KLF7: variants seen among roughly 807,000 people sequenced by gnomAD.
KLF7 encodes the protein Krueppel-like factor 7.
KLF7 carries 2 observed loss-of-function variants against 27.3 expected under a neutral mutation model. That is an observed-to-expected ratio of 0.07 (90% CI 0.03 to 0.23). KLF7 has a LOEUF of 0.23. KLF7 is among the 10% of genes least tolerant of loss of function. The pLI is 1.00. For synonymous variants in KLF7, 165 were observed against 162.4 expected (o/e 1.02, Z -0.12); for missense variants, 221 against 394.1 (o/e 0.56, Z 3.72).
intron 2 of KLF7, 45 bp from the exon 3 acceptor site, chr2:207,088,626 A>C: frequency 6.2e-7 from 1 of 1,600,562 alleles, no homozygotes; most frequent in South Asian, 1.1e-5. Context: ...CAGGAACAAA[A>C]GGGATTACAC....
chr2:207,112,482 T>C (rs2077064647), intron 2 of KLF7, among the ~76,000 whole-genome samples: 3 of 152,218 alleles, frequency 2.0e-5, no homozygotes, highest in Non-Finnish European at 4.4e-5. Context: ...TGATAGGGTA[T>C]GGTGGATCTC....
At position 207,165,695 on chromosome 2, in the gene KLF7, TGTTTCA is replaced by T; in HGVS notation, c.-133_-128del. On this transcript the variant is annotated 5_prime_UTR_variant, in exon 1 of 4. Transcript: ENST00000309446. ...ATCCAGTGGCCCTTTTGTTTTGTTT[TGTTTCA>T]GTCAACTAAAAAGGAAAAAAAAAAA... 6.6e-7 allele frequency: 1 copy of T among 1,504,954 alleles called. No homozygotes were observed. Among genetic ancestry groups the T allele is most frequent in the South Asian group, 1.3e-5 (1 of 79,004 alleles). The allele number at this position is 1,504,954 out of a possible 1,614,324, so 93.2% of individuals were successfully genotyped here. A position where few individuals can be genotyped will look rare whatever the true frequency, so the allele number is the denominator to read the frequency against.
chr2:207,170,850 T>C (rs2078779737), upstream of KLF7, among the ~76,000 whole-genome samples: 1 of 152,066 alleles, frequency 6.6e-6, no homozygotes, highest in South Asian at 2.1e-4. Flanking sequence ...AATGGAGATA[T>C]ATAAGGAGTT....
chr2:207,151,638 C>T (rs886322579), intron 1 of KLF7, among the ~76,000 whole-genome samples: 1 of 152,096 alleles, frequency 6.6e-6, no homozygotes, highest in Non-Finnish European at 1.5e-5. Context: ...CTTTTTCTCT[C>T]TCTTCCTTTT....
chr2:207,153,864 A>G (rs972263191), intron 1 of KLF7, among the ~76,000 whole-genome samples: 8 of 152,198 alleles, frequency 5.3e-5, no homozygotes, highest in Non-Finnish European at 8.8e-5. Flanking sequence ...AAACACAAAT[A>G]TATAATCTAC....
intron 1 of KLF7, among the ~76,000 whole-genome samples, chr2:207,147,616 C>T (rs1212345650): frequency 1.3e-5 from 2 of 152,180 alleles, no homozygotes; most frequent in African/African-American, 4.8e-5. Flanking sequence ...TCCCCCACTC[C>T]ACCCTCTGCC....
intron 2 of KLF7, among the ~76,000 whole-genome samples, chr2:207,123,042 A>G (rs2077382094): frequency 1.3e-5 from 2 of 149,208 alleles, no homozygotes; most frequent in Admixed American, 6.8e-5. Flanking sequence ...ATTGCTCAAA[A>G]GATCAGTATG....
intron 2 of KLF7, 150 bp from the exon 3 acceptor site, chr2:207,088,731 C>G: frequency 1.2e-6 from 1 of 801,372 alleles, no homozygotes; most frequent in East Asian, 2.9e-5. Context: ...ATACCACTGT[C>G]TTTTGGGTTT....
At chr2:207,081,436 A>G (rs1307193968) in intron 3 of KLF7, among the ~76,000 whole-genome samples, 172 bp from the exon 4 acceptor site, 1 of 152,218 alleles carries the variant, frequency 6.6e-6, no homozygotes, top group African/African-American at 2.4e-5. Context: ...TTGGGTTTAA[A>G]TCCTATCTCT....
At chr2:207,127,337 T>C (rs2077508598) in intron 1 of KLF7, among the ~76,000 whole-genome samples, 1 of 152,170 alleles carries the variant, frequency 6.6e-6, no homozygotes, top group South Asian at 2.1e-4. Flanking sequence ...GGAAATACAC[T>C]TCTTATATCT....
At chr2:207,148,047 A>C (rs2078145039) in intron 1 of KLF7, among the ~76,000 whole-genome samples, 1 of 152,180 alleles carries the variant, frequency 6.6e-6, no homozygotes, top group Non-Finnish European at 1.5e-5. Flanking sequence ...AAAGTACATA[A>C]ATATTTAATT....
At chr2:207,161,472 T>C (rs899617804) in intron 1 of KLF7, among the ~76,000 whole-genome samples, 2 of 152,210 alleles carry the variant, frequency 1.3e-5, no homozygotes, top group Admixed American at 6.5e-5. Context: ...TATCTGCGAA[T>C]TGGGGACTGA....
chr2:207,118,306 A>G (rs2077243829), intron 2 of KLF7, among the ~76,000 whole-genome samples: 3 of 152,232 alleles, frequency 2.0e-5, no homozygotes, highest in South Asian at 2.1e-4. Context: ...ATAAAATAGT[A>G]GCTTTATCAG....
At chr2:207,117,412 T>C (rs2077216287) in intron 2 of KLF7, among the ~76,000 whole-genome samples, 1 of 152,202 alleles carries the variant, frequency 6.6e-6, no homozygotes, top group Non-Finnish European at 1.5e-5. Context: ...TAAATCCAAA[T>C]TATCAAACCC....
chr2:207,093,710 T>C (rs2076563052), intron 2 of KLF7, among the ~76,000 whole-genome samples: 1 of 152,194 alleles, frequency 6.6e-6, no homozygotes, highest in South Asian at 2.1e-4. Flanking sequence ...CTCAATCCCG[T>C]CCGATACATT....
intron 1 of KLF7, among the ~76,000 whole-genome samples, chr2:207,164,982 C>T (rs972933416): frequency 6.6e-6 from 1 of 152,004 alleles, no homozygotes; most frequent in Admixed American, 6.5e-5. Flanking sequence ...AAACACTCCG[C>T]TTTGCTCCTG....
intron 1 of KLF7, among the ~76,000 whole-genome samples, chr2:207,162,965 G>T (rs528932302): frequency 1.6e-4 from 24 of 152,284 alleles, no homozygotes; most frequent in South Asian, 1.2e-3. Flanking sequence ...AAACCCTGTT[G>T]AGCTGTTTTG....
intron 2 of KLF7, among the ~76,000 whole-genome samples, chr2:207,090,324 G>C (rs2076482180): frequency 6.6e-6 from 1 of 152,220 alleles, no homozygotes. Flanking sequence ...TGTGCTGGCT[G>C]AAGAAAAGGT....
At chr2:207,132,075 T>C (rs945456598) in intron 1 of KLF7, among the ~76,000 whole-genome samples, 1 of 152,172 alleles carries the variant, frequency 6.6e-6, no homozygotes, top group African/African-American at 2.4e-5. Context: ...TTGCCTTTCA[T>C]GACCAGGAAA....
Sources: allele counts gnomAD v4.1 joint callset (sites outside exome capture counted in the v4.1 genomes callset), GRCh38; gene constraint gnomAD v4.1.1; transcripts MANE v1.5; gene names NCBI Gene and HGNC (gene_info 2026-07-23, HGNC 2026-07-21).